Variants in CAMK4 observed in about 807,000 individuals in gnomAD.
CAMK4 encodes calcium/calmodulin-dependent protein kinase type IV.
In CAMK4, 22 loss-of-function variants were observed where a neutral mutation model predicts 44.9. The observed-to-expected ratio is 0.49, with a 90% CI of 0.35 to 0.70. CAMK4 has a LOEUF of 0.70. Ranked by LOEUF, CAMK4 falls within the 30% of genes least tolerant of loss-of-function variation. The pLI, the probability that CAMK4 is intolerant of heterozygous loss-of-function variation, is 0.01. For missense variants in CAMK4, 498 were observed against 586.8 expected, an observed-to-expected ratio of 0.85 and a Z score of 1.56; for synonymous variants, 218 against 215.4, an observed-to-expected ratio of 1.01 and a Z score of -0.11.
chr5:111,448,847 C>T (rs1754122188), intron 6 of CAMK4, among the ~76,000 whole-genome samples: 1 of 152,012 alleles, frequency 6.6e-6, no homozygotes, highest in Admixed American at 6.6e-5. Context: ...AAAAAAATTG[C>T]TTATTTGCTG....
chr5:111,394,039 G>A (rs1751907356), intron 4 of CAMK4, among the ~76,000 whole-genome samples: 1 of 151,950 alleles, frequency 6.6e-6, no homozygotes, highest in South Asian at 2.1e-4. Context: ...AAGAGAGAGA[G>A]AGAGGGAGAA....
chr5:111,449,155 G>A lies in CAMK4; in HGVS notation c.577G>A (p.Glu193Lys). The change falls in exon 7 of 11, where the codon GAA becomes AAA. Residue 193 changes from glutamate (E) to lysine (K), a missense_variant. By Grantham distance (56) the Glu-to-Lys change is moderately conservative (BLOSUM62 1). This residue lies in a region of CAMK4 where 203 missense variants were observed against 298.2 expected (regional missense o/e 0.68). Coordinates refer to ENST00000282356, the MANE Select transcript of CAMK4 (RefSeq NM_001744.6). ...IADFGLSKIVEHQVLMKTVCG... is the reference protein window; with the variant it reads ...IADFGLSKIVKHQVLMKTVCG... The stretch of plus-strand genomic sequence containing the variant: ...TGATTTTGGACTCTCTAAAATTGTG[G>A]AACATCAAGTGCTCATGAAGACAGT... The A allele has an allele frequency of 1.3e-6, 2 of 1,579,648 alleles. No homozygotes were observed. Among genetic ancestry groups the A allele is most frequent in the Non-Finnish European group, 1.7e-6 (2 of 1,150,816 alleles).
At position 111,241,747 on chromosome 5, in the gene CAMK4, G is replaced by A. The variant is rs115677675; in HGVS notation, c.161+17103G>A. ...TCTTAAGTCATTTTTGAAAAATCTTGTGAAAATATACTACTGCCAGTAAAT... is the reference window on the plus strand; with the variant it reads ...TCTTAAGTCATTTTTGAAAAATCTTATGAAAATATACTACTGCCAGTAAAT... On this transcript the variant is annotated intron_variant, in intron 1 of 10. Coordinates refer to ENST00000282356, the MANE Select transcript of CAMK4 (RefSeq NM_001744.6). Among the ~76,000 whole-genome samples the A allele has an allele frequency of 6.0e-3, 912 of 152,222 alleles. 5 individuals carry two copies. Among genetic ancestry groups the A allele is most frequent in the Middle Eastern group, 0.02 (6 of 294 alleles).
chr5:111,312,096 G>T (rs1421603652), intron 1 of CAMK4, among the ~76,000 whole-genome samples: 1 of 152,092 alleles, frequency 6.6e-6, no homozygotes, highest in African/African-American at 2.4e-5. Context: ...TTCATACAAA[G>T]AACTTATTCA....
In CAMK4 at chr5:111,320,453, T is replaced by G. The variant is rs73232023; in HGVS notation, c.162-23571T>G. Among the ~76,000 whole-genome samples the G allele has an allele frequency of 9.8e-3, 1,489 of 152,236 alleles. 19 individuals carry two copies. The highest frequency in any genetic ancestry group is 0.033 in the African/African-American group (1,385 of 41,558). On this transcript the variant is annotated intron_variant, in intron 1 of 10. Coordinates refer to ENST00000282356, the MANE Select transcript of CAMK4 (RefSeq NM_001744.6). ...TAATTTGTAACTTAGAAAGCGTTAATGTGTATGTAGTACTATTCATATATG... is the reference window on the plus strand; with the variant it reads ...TAATTTGTAACTTAGAAAGCGTTAAGGTGTATGTAGTACTATTCATATATG...
intron 2 of CAMK4, among the ~76,000 whole-genome samples, chr5:111,361,288 C>T (rs1750580676): frequency 6.6e-6 from 1 of 151,970 alleles, no homozygotes; most frequent in East Asian, 1.9e-4. Context: ...TAGAAAATCA[C>T]TTAGTTTTAA....
intron 1 of CAMK4, among the ~76,000 whole-genome samples, chr5:111,262,145 G>A (rs1346284281): frequency 2.8e-5 from 4 of 145,448 alleles, no homozygotes; most frequent in Non-Finnish European, 6.0e-5. Flanking sequence ...CACTTGATGT[G>A]TAAAAGAAAA....
rs184982122 is a variant in CAMK4, at chr5:111,340,705, G to T, written c.162-3319G>T. ...TGTCTGGCTTTGATATCAGGGTAATGGTGGCCTCATAAAATTCGTTTGATA... is the reference window on the plus strand; with the variant it reads ...TGTCTGGCTTTGATATCAGGGTAATTGTGGCCTCATAAAATTCGTTTGATA... On this transcript the variant is annotated intron_variant, in intron 1 of 10. Transcript: ENST00000282356. 3.8e-4 allele frequency among the ~76,000 whole-genome samples: 57 copies of T among 151,124 alleles called. 1 individual carries two copies. In the East Asian group the frequency reaches 9.2e-3, roughly 24 times the overall value.
intron 2 of CAMK4, among the ~76,000 whole-genome samples, chr5:111,366,870 G>A (rs192093766): frequency 6.6e-6 from 1 of 151,792 alleles, no homozygotes; most frequent in East Asian, 1.9e-4. Flanking sequence ...TTTTTTCTGT[G>A]TATAAGCTTC....
At chr5:111,480,146 T>C (rs1755382327) in intron 9 of CAMK4, among the ~76,000 whole-genome samples, 2 of 151,918 alleles carry the variant, frequency 1.3e-5, no homozygotes, top group African/African-American at 4.8e-5. Context: ...GCACCACACT[T>C]CTAGTTTCTC....
At chr5:111,418,545 A>C (rs376999980) in intron 5 of CAMK4, among the ~76,000 whole-genome samples, 2 of 151,950 alleles carry the variant, frequency 1.3e-5, no homozygotes, top group African/African-American at 4.8e-5. Flanking sequence ...GAACCCATTA[A>C]CTCGTCATTT....
intron 5 of CAMK4, among the ~76,000 whole-genome samples, chr5:111,445,055 A>G (rs1341026778): frequency 6.6e-6 from 1 of 152,212 alleles, no homozygotes; most frequent in Non-Finnish European, 1.5e-5. Flanking sequence ...TAAAATAAAA[A>G]TGCTGTATGC....
chr5:111,387,510 TTC>T (rs1445035496), intron 4 of CAMK4, among the ~76,000 whole-genome samples: 1 of 152,216 alleles, frequency 6.6e-6, no homozygotes, highest in Non-Finnish European at 1.5e-5. Flanking sequence ...CAGTAATCTT[TTC>T]ACTTATTGCA....
intron 5 of CAMK4, among the ~76,000 whole-genome samples, chr5:111,406,738 A>C (rs943072947): frequency 6.6e-6 from 1 of 152,150 alleles, no homozygotes; most frequent in African/African-American, 2.4e-5. Context: ...AAAGGTGATT[A>C]AGAAAAGAGG....
At position 111,319,875 on chromosome 5, in the gene CAMK4, A is replaced by G. The variant is rs537646336; in HGVS notation, c.162-24149A>G. Among the ~76,000 whole-genome samples the G allele has an allele frequency of 2.0e-4, 30 of 152,286 alleles. 1 individual carries two copies. Among genetic ancestry groups the G allele is most frequent in the African/African-American group, 7.0e-4 (29 of 41,578 alleles). On this transcript the variant is annotated intron_variant, in intron 1 of 10. Coordinates refer to ENST00000282356, the MANE Select transcript of CAMK4 (RefSeq NM_001744.6). ...ACTGTCTAAACATTTTGTATGCAAGATATAACTGAAAGGTGGAATCAACTT... is the reference window on the plus strand; with the variant it reads ...ACTGTCTAAACATTTTGTATGCAAGGTATAACTGAAAGGTGGAATCAACTT...
At chr5:111,352,306 T>C (rs1401451682) in intron 2 of CAMK4, among the ~76,000 whole-genome samples, 1 of 152,142 alleles carries the variant, frequency 6.6e-6, no homozygotes, top group Non-Finnish European at 1.5e-5. Flanking sequence ...TGGTGGATTC[T>C]CAATTTCAAG....
intron 7 of CAMK4, among the ~76,000 whole-genome samples, chr5:111,457,005 C>T (rs1270589613): frequency 1.3e-5 from 2 of 152,092 alleles, no homozygotes; most frequent in African/African-American, 4.8e-5. Context: ...CTGTCAGTGC[C>T]ACTTTTGTGC....
intron 4 of CAMK4, among the ~76,000 whole-genome samples, chr5:111,390,045 A>C (rs930006293): frequency 6.6e-6 from 1 of 152,190 alleles, no homozygotes; most frequent in Admixed American, 6.5e-5. Flanking sequence ...AATTTTTATA[A>C]GTAGACCATT....
rs910792342 is a variant in CAMK4, at chr5:111,224,552, G to C, written c.69G>C (p.Pro23=). 6.2e-7 allele frequency: 1 copy of C among 1,611,344 alleles called. No homozygotes were observed. Among genetic ancestry groups the C allele is most frequent in the Non-Finnish European group, 8.5e-7 (1 of 1,179,252 alleles). Residue 23 remains proline (P), a synonymous_variant, in exon 1 of 11, where the codon CCG becomes CCC. Coordinates refer to ENST00000282356, the MANE Select transcript of CAMK4 (RefSeq NM_001744.6). This position sits in a 1 kb window ranked among gnomAD's most constrained non-coding sequence, Gnocchi z 5.7. Reference sequence around the variant, plus strand: ...CTTCGGTCACCGCCAGTGCGGCCCCGGGGACCGCGAGCCTCGTCCCGGATT... The same window carrying C: ...CTTCGGTCACCGCCAGTGCGGCCCCCGGGACCGCGAGCCTCGTCCCGGATT... ...SCSSVTASAA[P]GTASLVPDYW... is the part of the protein sequence containing the mutation.
Sources: allele counts gnomAD v4.1 joint callset (sites outside exome capture counted in the v4.1 genomes callset), GRCh38; gene constraint gnomAD v4.1.1; regional missense constraint gnomAD v4.1.1; non-coding constraint Gnocchi (gnomAD v3.1); transcripts MANE v1.5; gene names NCBI Gene and HGNC (gene_info 2026-07-23, HGNC 2026-07-21).